The following MAP2K5 variants were observed in gnomAD, a reference collection of about 807,000 sequenced individuals.
MAP2K5 encodes the protein mitogen-activated protein kinase kinase 5, also known as dual specificity mitogen-activated protein kinase kinase 5.
MAP2K5 carries 49 observed loss-of-function variants against 83.1 expected under a neutral mutation model. The observed-to-expected ratio is 0.59, with a 90% CI of 0.47 to 0.75. The LOEUF (loss-of-function observed/expected upper bound fraction) is 0.75, where lower values mean the gene tolerates loss of function less well. Ranked by LOEUF, MAP2K5 falls within the 30% of genes least tolerant of loss-of-function variation. The pLI is 0.00. For synonymous variants in MAP2K5, 202 were observed against 191.8 expected, an observed-to-expected ratio of 1.05 and a Z score of -0.44; for missense variants, 457 against 557.5, an observed-to-expected ratio of 0.82 and a Z score of 1.82.
rs953975593 is a variant in MAP2K5, at chr15:67,757,982, A to G, written c.1134+9381A>G. 6.6e-6 allele frequency among the ~76,000 whole-genome samples: 1 copy of G among 152,090 alleles called. No homozygotes were observed. Among genetic ancestry groups the G allele is most frequent in the African/African-American group, 2.4e-5 (1 of 41,426 alleles). ...CTGAGGCCCCTGCAGGGAGTTCAGT[A>G]TGGCTGGGGTGTTTGGGCAAGTATT... On this transcript the variant is annotated intron_variant, in intron 19 of 21. Coordinates refer to ENST00000178640, the MANE Select transcript of MAP2K5 (RefSeq NM_145160.3). This position sits in a 1 kb window ranked among gnomAD's most constrained non-coding sequence, Gnocchi z 4.9.
intron 11 of MAP2K5, among the ~76,000 whole-genome samples, chr15:67,656,458 G>A (rs922985802): frequency 5.9e-5 from 9 of 151,510 alleles, no homozygotes; most frequent in African/African-American, 1.7e-4. Flanking sequence ...CTGAGTAGCC[G>A]GGACTACAGA....
At chr15:67,617,756 A>G (rs1056108085) in intron 8 of MAP2K5, among the ~76,000 whole-genome samples, 33 of 152,128 alleles carry the variant, frequency 2.2e-4, no homozygotes, top group Non-Finnish European at 4.4e-5. Flanking sequence ...CAGTGATACG[A>G]TCATGGCTTA....
At chr15:67,735,971 A>G (rs1041919750) in intron 17 of MAP2K5, among the ~76,000 whole-genome samples, 3 of 152,206 alleles carry the variant, frequency 2.0e-5, no homozygotes, top group Admixed American at 6.5e-5. Flanking sequence ...AAGGAGGTTC[A>G]TCTGGTAAAA....
At position 67,644,121 on chromosome 15, in the gene MAP2K5, C is replaced by T. The variant is rs2086779087; in HGVS notation, c.586-2110C>T. ...TTAAAAGTAAAAAACAAGCTGGGCA[C>T]GGTGGCTCACGCCTGTAATCCCAGC... On this transcript the variant is annotated intron_variant, in intron 9 of 21. Coordinates refer to ENST00000178640, the MANE Select transcript of MAP2K5 (RefSeq NM_145160.3). The surrounding 1 kb of genome is among the most constrained non-coding windows in gnomAD (Gnocchi z 4.6). Among the ~76,000 whole-genome samples the T allele has an allele frequency of 3.3e-5, 5 of 152,266 alleles. No individual in the cohort carries two copies. The South Asian group carries it at 1.0e-3, about 32-fold the overall frequency.
chr15:67,673,918 G>A (rs987137654), intron 13 of MAP2K5, among the ~76,000 whole-genome samples: 4 of 152,034 alleles, frequency 2.6e-5, no homozygotes, highest in East Asian at 1.9e-4. Context: ...GCACAATCTC[G>A]GCTCACTGCA....
Position 67,658,617 on chromosome 15 carries a change from A to G in MAP2K5, c.798+3A>G. On this transcript the variant is annotated splice_donor_region_variant and intron_variant, in intron 12 of 21. Transcript: ENST00000178640. ...TCCTTGGAAGAATTGCAGTAGCAGT[A>G]AGTATATGGCTTCAGTGTTAGGAAA... is the stretch of plus-strand genomic sequence containing the variant. 6.2e-7 allele frequency: 1 copy of G among 1,608,978 alleles called. No individual in the cohort carries two copies.
intron 20 of MAP2K5, among the ~76,000 whole-genome samples, chr15:67,771,314 G>C (rs2090137814): frequency 6.6e-6 from 1 of 152,330 alleles, no homozygotes; most frequent in East Asian, 1.9e-4. Context: ...CTCCGGAGGA[G>C]ATGTTGGATT....
chr15:67,620,183 C>T (rs1274409781), intron 8 of MAP2K5, among the ~76,000 whole-genome samples: 2 of 152,164 alleles, frequency 1.3e-5, no homozygotes, highest in East Asian at 3.9e-4. Context: ...CCAGCTTGAC[C>T]AACATGGTCA....
chr15:67,567,522 G>A (rs367667032), intron 3 of MAP2K5, among the ~76,000 whole-genome samples: 2 of 151,814 alleles, frequency 1.3e-5, no homozygotes, highest in Admixed American at 6.6e-5. Context: ...CCGCCACCGC[G>A]CCCGGCTAAT....
chr15:67,548,581 CAG>C (rs902928858), intron 1 of MAP2K5, among the ~76,000 whole-genome samples: 1 of 152,198 alleles, frequency 6.6e-6, no homozygotes, highest in Non-Finnish European at 1.5e-5. Context: ...AAGTGAGGCA[CAG>C]AGAGATTTTG....
rs1480234504 is a variant in MAP2K5 at position 67,782,697 on chromosome 15, G to A, written c.1242+9945G>A. ...AGTTTCTAATTTTTAAATTAAACAT[G>A]ACTTTTTTTTTAAGCCACAGCTTTG... On this transcript the variant is annotated intron_variant, in intron 21 of 21. Coordinates refer to ENST00000178640, the MANE Select transcript of MAP2K5 (RefSeq NM_145160.3). The surrounding 1 kb of genome is among the most constrained non-coding windows in gnomAD (Gnocchi z 4.9). Among the ~76,000 whole-genome samples, 1 of 152,158 alleles carries A rather than the reference G, an allele frequency of 6.6e-6. No individual in the cohort carries two copies. The highest frequency in any genetic ancestry group is 2.4e-5 in the African/African-American group (1 of 41,444).
chr15:67,703,569 G>A (rs192214195), intron 16 of MAP2K5, among the ~76,000 whole-genome samples, 161 bp downstream of exon 16: 1 of 152,206 alleles, frequency 6.6e-6, no homozygotes, highest in Non-Finnish European at 1.5e-5. Context: ...TGTGTGGCTT[G>A]TGAACTGACT....
chr15:67,545,328 A>T (rs2084369496), intron 1 of MAP2K5, among the ~76,000 whole-genome samples: 3 of 152,092 alleles, frequency 2.0e-5, no homozygotes, highest in Admixed American at 6.5e-5. Context: ...TCTTCATAGG[A>T]CCCCAAAATA....
chr15:67,714,413 GGAAAAAAAAAAAAAAAA>G, intron 16 of MAP2K5, among the ~76,000 whole-genome samples: 1 of 42,682 alleles, frequency 2.3e-5, no homozygotes, highest in East Asian at 9.8e-4. Context: ...CAGCTGCCAG[GGAAAAAAAAAAAAAAAA>G]AAAAAAAAAA....
In MAP2K5 at chr15:67,592,411, T is replaced by C. The variant is rs572991574; in HGVS notation, c.432-515T>C. Among the ~76,000 whole-genome samples, 72 of 152,318 alleles carry C rather than the reference T, an allele frequency of 4.7e-4. No homozygotes were observed. In the South Asian group the frequency reaches 0.015, roughly 32 times the overall value. ...GAAATTGAGGTTCAGAGAGGATAAG[T>C]AACTTGTCCCAGATCACACAGCTAG... On this transcript the variant is annotated intron_variant, in intron 6 of 21. Coordinates refer to ENST00000178640, the MANE Select transcript of MAP2K5 (RefSeq NM_145160.3).
chr15:67,795,146 C>G (rs778260460), intron 21 of MAP2K5, among the ~76,000 whole-genome samples: 13 of 152,118 alleles, frequency 8.5e-5, no homozygotes, highest in Non-Finnish European at 1.6e-4. Flanking sequence ...TCAATTTTGA[C>G]TGGATTTGTG....
In MAP2K5 at chr15:67,783,484, C is replaced by G. The variant is rs986123957; in HGVS notation, c.1242+10732C>G. On this transcript the variant is annotated intron_variant, in intron 21 of 21. Coordinates refer to ENST00000178640, the MANE Select transcript of MAP2K5 (RefSeq NM_145160.3). The surrounding 1 kb of genome is among the most constrained non-coding windows in gnomAD (Gnocchi z 5.1). ...CACCTCCGAAACCCAACTGGCACAA[C>G]CTCTGTGAAGCTTTGCTAAGCGTGC... Among the ~76,000 whole-genome samples, 1 of 152,190 alleles carries G rather than the reference C, an allele frequency of 6.6e-6. No individual in the cohort carries two copies. Among genetic ancestry groups the G allele is most frequent in the Non-Finnish European group, 1.5e-5 (1 of 68,032 alleles).
rs1187254997 is a variant in MAP2K5, at chr15:67,777,171, G to A, written c.1242+4419G>A. The stretch of plus-strand genomic sequence containing the variant: ...GAGTGCTTGCTTGAGGGTGGGGTGG[G>A]GTGCTTTCTATGGGGTTCAGCAGGG... On this transcript the variant is annotated intron_variant, in intron 21 of 21. Coordinates refer to ENST00000178640, the MANE Select transcript of MAP2K5 (RefSeq NM_145160.3). This position sits in a 1 kb window ranked among gnomAD's most constrained non-coding sequence, Gnocchi z 6.0. 6.6e-6 allele frequency among the ~76,000 whole-genome samples: 1 copy of A among 152,054 alleles called. No individual in the cohort carries two copies.
Position 67,559,801 on chromosome 15 carries a change from AC to A in MAP2K5, c.185-3477del, listed in dbSNP as rs1237315433. ...ATGTATCAGATCTGTCTGCTCCCCT[AC>A]CCCCACCCCTTTTGTTGGTCATATC... On this transcript the variant is annotated intron_variant, in intron 2 of 21. Coordinates refer to ENST00000178640, the MANE Select transcript of MAP2K5 (RefSeq NM_145160.3). This position sits in a 1 kb window ranked among gnomAD's most constrained non-coding sequence, Gnocchi z 4.7. 6.6e-6 allele frequency among the ~76,000 whole-genome samples: 1 copy of A among 151,708 alleles called. No individual in the cohort carries two copies. The highest frequency in any genetic ancestry group is 2.4e-5 in the African/African-American group (1 of 41,256).
Sources: allele counts gnomAD v4.1 joint callset (sites outside exome capture counted in the v4.1 genomes callset), GRCh38; gene constraint gnomAD v4.1.1; non-coding constraint Gnocchi (gnomAD v3.1); transcripts MANE v1.5; gene names NCBI Gene and HGNC (gene_info 2026-07-23, HGNC 2026-07-21).